Variants in GNAI2 observed in about 807,000 individuals in gnomAD.
The protein encoded by GNAI2 is guanine nucleotide-binding protein G(i) subunit alpha-2.
In GNAI2, 4 loss-of-function variants were observed where a neutral mutation model predicts 36.8. That is an observed-to-expected ratio of 0.11 (90% CI 0.05 to 0.25). The LOEUF (loss-of-function observed/expected upper bound fraction) is 0.25, where lower values mean the gene tolerates loss of function less well. GNAI2 is among the 10% of genes least tolerant of loss of function. The pLI is 1.00. For missense variants in GNAI2, 230 were observed against 481.3 expected (o/e 0.48, Z 4.89); for synonymous variants, 194 against 194.1 (o/e 1.00, Z 0.01).
Position 50,252,172 on chromosome 3 carries a change from A to C in GNAI2, c.161+30A>C. The C allele has an allele frequency of 1.9e-6, 3 of 1,607,310 alleles. No homozygotes were observed. The highest frequency in any genetic ancestry group is 1.7e-6 in the Non-Finnish European group (2 of 1,174,234). On this transcript the variant is annotated intron_variant, in intron 2 of 8. Coordinates refer to ENST00000313601, the MANE Select transcript of GNAI2 (RefSeq NM_002070.4). The surrounding 1 kb of genome is among the most constrained non-coding windows in gnomAD (Gnocchi z 4.1). Reference sequence around the variant, plus strand: ...GTGCTGTATTCCAGAGGCAGTGCTCAAACTCCAGCTTCCCCTCTTCACCCT... The same window carrying C: ...GTGCTGTATTCCAGAGGCAGTGCTCCAACTCCAGCTTCCCCTCTTCACCCT...
chr3:50,250,724 TAC>T (rs1368300329), intron 1 of GNAI2, among the ~76,000 whole-genome samples: 1 of 152,012 alleles, frequency 6.6e-6, no homozygotes, highest in African/African-American at 2.4e-5. Flanking sequence ...GGTCCTTCTT[TAC>T]ACAGACTCCC....
chr3:50,251,821 A>G (rs899037137), intron 1 of GNAI2: 2 of 1,276,546 alleles, frequency 1.6e-6, no homozygotes, highest in East Asian at 7.2e-5. Flanking sequence ...CCCCCAGGAC[A>G]GTGGGGAGCC....
Position 50,253,117 on chromosome 3 carries a change from G to A in GNAI2, c.397G>A (p.Ala133Thr), listed in dbSNP as rs1553702774. ...GTCCGGCGTCATCCGGAGGCTCTGG[G>A]CTGACCATGGTGTGCAGGCCTGCTT... The part of the protein sequence containing the change: ...DLSGVIRRLW[A>T]DHGVQACFGR... The change falls in exon 4 of 9, where the codon GCT (alanine) becomes ACT (threonine). Residue 133 changes from alanine to threonine, a missense_variant. Around this residue, in one of 4 missense-constraint regions of GNAI2, gnomAD observed 132 missense variants for 247.4 expected, o/e 0.53. Coordinates refer to ENST00000313601, the MANE Select transcript of GNAI2 (RefSeq NM_002070.4). This position sits in a 1 kb window ranked among gnomAD's most constrained non-coding sequence, Gnocchi z 4.2. 1 of 1,613,628 alleles carries A rather than the reference G, an allele frequency of 6.2e-7. No homozygotes were observed. The highest frequency in any genetic ancestry group is 1.7e-5 in the Admixed American group (1 of 59,996).
chr3:50,227,413 A>C (rs1022708461), upstream of GNAI2: 42 of 368,502 alleles, frequency 1.1e-4, no homozygotes, highest in African/African-American at 7.3e-4. This position sits in a 1 kb window ranked among gnomAD's most constrained non-coding sequence, Gnocchi z 5.9. Flanking sequence ...GGCGGGGGCC[A>C]CCGTGAGTGG....
chr3:50,256,697 G>A (rs376218741), intron 5 of GNAI2, 26 bp from the exon 6 acceptor site: 159 of 1,609,306 alleles, frequency 9.9e-5, no homozygotes, highest in Non-Finnish European at 1.2e-4. Context: ...CTCCCTTCCT[G>A]GAACTAAGGT....
At chr3:50,237,734 C>T (rs1559765310) in intron 1 of GNAI2, among the ~76,000 whole-genome samples, 1 of 149,124 alleles carries the variant, frequency 6.7e-6, no homozygotes, top group Non-Finnish European at 1.5e-5. Context: ...AGGTGTGGTG[C>T]CCAGTGGCAG....
At position 50,238,386 on chromosome 3, in the gene GNAI2, C is replaced by A. The variant is rs1453427697; in HGVS notation, c.118+1933C>A. On this transcript the variant is annotated intron_variant, in intron 1 of 8. Coordinates refer to ENST00000313601, the MANE Select transcript of GNAI2 (RefSeq NM_002070.4). The surrounding 1 kb of genome is among the most constrained non-coding windows in gnomAD (Gnocchi z 5.0). Reference sequence around the variant, plus strand: ...GGTCCCCCATCCCACCAGGCCTGCTCCTTGGAGCCCAGCTCACCTTTTGGG... The same window carrying A: ...GGTCCCCCATCCCACCAGGCCTGCTACTTGGAGCCCAGCTCACCTTTTGGG... 1.3e-5 allele frequency: 2 copies of A among 152,354 alleles called. No individual in the cohort carries two copies. The highest frequency in any genetic ancestry group is 4.8e-5 in the African/African-American group (2 of 41,466). 9.4% of individuals were successfully genotyped at this position (152,354 alleles called of 1,614,324 possible).
chr3:50,252,550 C>T lies in GNAI2; in HGVS notation c.303+12C>T, dbSNP rs188391609. The T allele has an allele frequency of 1.6e-5, 26 of 1,607,518 alleles. No homozygotes were observed. The East Asian group carries it at 5.6e-4, about 35-fold the overall frequency. ...ACCCCTCCAGAGCGGTATGTGCCCTCCGCCCCACCCTCTCCCACCTCCCAA... is the reference window on the plus strand; with the variant it reads ...ACCCCTCCAGAGCGGTATGTGCCCTTCGCCCCACCCTCTCCCACCTCCCAA... On this transcript the variant is annotated intron_variant, in intron 3 of 8. Transcript: ENST00000313601. The surrounding 1 kb of genome is among the most constrained non-coding windows in gnomAD (Gnocchi z 4.1).
chr3:50,251,888 C>A, intron 1 of GNAI2: 1 of 1,018,924 alleles, frequency 9.8e-7, no homozygotes, highest in Non-Finnish European at 1.4e-6. Context: ...TGCCATGGGG[C>A]ACAGGTGCTC....
intron 1 of GNAI2, chr3:50,247,173 T>C: frequency 1.5e-6 from 1 of 681,128 alleles, no homozygotes; most frequent in Non-Finnish European, 2.7e-6. Flanking sequence ...GAGCTTTGCA[T>C]TTAATCCTTA....
chr3:50,234,062 A>ATTT (rs782209651), upstream of GNAI2, among the ~76,000 whole-genome samples: 40 of 82,502 alleles, frequency 4.8e-4, no homozygotes, highest in Non-Finnish European at 6.4e-4. Context: ...CGCCCAGCTG[A>ATTT]TTTTTTTTTT....
Position 50,253,710 on chromosome 3 carries a change from C to G in GNAI2, c.464+526C>G, listed in dbSNP as rs1394495496. On this transcript the variant is annotated intron_variant, in intron 4 of 8. Transcript: ENST00000313601. This position sits in a 1 kb window ranked among gnomAD's most constrained non-coding sequence, Gnocchi z 4.2. ...AGTGAGCGGAGATTGCGCCACTGCA[C>G]TCTAGCTTGGGTGACAGAGCAAGAC... Among the ~76,000 whole-genome samples, 1 of 152,222 alleles carries G rather than the reference C, an allele frequency of 6.6e-6. No individual in the cohort carries two copies. The highest frequency in any genetic ancestry group is 1.9e-4 in the East Asian group (1 of 5,196).
upstream of GNAI2, chr3:50,227,190 G>A: frequency 7.0e-7 from 1 of 1,437,546 alleles, no homozygotes; most frequent in African/African-American, 1.5e-5. This position sits in a 1 kb window ranked among gnomAD's most constrained non-coding sequence, Gnocchi z 5.9. Flanking sequence ...GGGACGTTCT[G>A]AGGGTAAGCC....
upstream of GNAI2, among the ~76,000 whole-genome samples, chr3:50,227,683 C>G (rs1177227174): frequency 1.3e-5 from 2 of 152,194 alleles, no homozygotes; most frequent in Non-Finnish European, 2.9e-5. This position sits in a 1 kb window ranked among gnomAD's most constrained non-coding sequence, Gnocchi z 5.9. Flanking sequence ...GTGAGAGAAC[C>G]TGGGGGAGGT....
Position 50,253,059 on chromosome 3 carries a change from C to T in GNAI2, c.339C>T (p.Thr113=), listed in dbSNP as rs782704680. 28 of 1,611,444 alleles carry T rather than the reference C, an allele frequency of 1.7e-5. No individual in the cohort carries two copies. In the Middle Eastern group the frequency reaches 5.0e-4, roughly 29 times the overall value. Residue 113 remains threonine, a synonymous_variant, in exon 4 of 9, where the codon ACC becomes ACT. Transcript: ENST00000313601. The surrounding 1 kb of genome is among the most constrained non-coding windows in gnomAD (Gnocchi z 4.2). ...GGCAGCTATTTGCACTGTCCTGCACCGCCGAGGAGCAAGGCGTGCTCCCTG... is the reference window on the plus strand; with the variant it reads ...GGCAGCTATTTGCACTGTCCTGCACTGCCGAGGAGCAAGGCGTGCTCCCTG... The part of the protein sequence containing the change: ...DARQLFALSC[T]AEEQGVLPDD...
At chr3:50,243,345 G>A (rs1362027190) in intron 1 of GNAI2, among the ~76,000 whole-genome samples, 6 of 152,268 alleles carry the variant, frequency 3.9e-5, no homozygotes, top group African/African-American at 1.4e-4. Flanking sequence ...GGGCTAGCAG[G>A]AAGGCAGAGG....
chr3:50,239,746 C>T (rs1553700800), intron 1 of GNAI2: 2 of 152,258 alleles, frequency 1.3e-5, no homozygotes, highest in East Asian at 1.9e-4. Flanking sequence ...CTTATCCCAC[C>T]CTGTGCGGAA....
rs1200028154 is a variant in GNAI2, at chr3:50,252,337, G to A, written c.162-60G>A. On this transcript the variant is annotated intron_variant, in intron 2 of 8. Transcript: ENST00000313601. The surrounding 1 kb of genome is among the most constrained non-coding windows in gnomAD (Gnocchi z 4.1). Reference sequence around the variant, plus strand: ...CTGAAGCAGGTCCCAGTAGCCCCAGGCAGCCGTGGGAACTCCCAGTGCCCA... The same window carrying A: ...CTGAAGCAGGTCCCAGTAGCCCCAGACAGCCGTGGGAACTCCCAGTGCCCA... The A allele has an allele frequency of 6.8e-5, 107 of 1,582,634 alleles. No homozygotes were observed. Among genetic ancestry groups the A allele is most frequent in the Non-Finnish European group, 9.1e-5 (105 of 1,153,532 alleles).
rs1393051822 is a variant in GNAI2 at position 50,242,973 on chromosome 3, G to T, written c.118+6520G>T. ...ATGGCAGGGCAGGGCTGGGCCTCTC[G>T]GGGAAGTGGTGTCCACACCAGAGGA... On this transcript the variant is annotated intron_variant, in intron 1 of 8. Coordinates refer to ENST00000313601, the MANE Select transcript of GNAI2 (RefSeq NM_002070.4). This position sits in a 1 kb window ranked among gnomAD's most constrained non-coding sequence, Gnocchi z 4.8. Among the ~76,000 whole-genome samples the T allele has an allele frequency of 6.6e-6, 1 of 152,216 alleles. No homozygotes were observed. The highest frequency in any genetic ancestry group is 1.5e-5 in the Non-Finnish European group (1 of 68,036).
Sources: allele counts gnomAD v4.1 joint callset (sites outside exome capture counted in the v4.1 genomes callset), GRCh38; gene constraint gnomAD v4.1.1; regional missense constraint gnomAD v4.1.1; non-coding constraint Gnocchi (gnomAD v3.1); transcripts MANE v1.5; gene names NCBI Gene and HGNC (gene_info 2026-07-23, HGNC 2026-07-21).